Variants in TRPM3 observed in about 807,000 individuals in gnomAD.
TRPM3 encodes the protein transient receptor potential cation channel subfamily M member 3.
A neutral mutation model predicts 181.2 loss-of-function variants in TRPM3; 77 were observed. The observed-to-expected ratio is 0.42, with a 90% confidence interval of 0.35 to 0.51. The LOEUF (loss-of-function observed/expected upper bound fraction) is 0.51, where lower values mean the gene tolerates loss of function less well. TRPM3 is among the 20% of genes least tolerant of loss of function. The pLI is 0.01. For missense variants in TRPM3, 1,759 were observed against 2,196.7 expected, an observed-to-expected ratio of 0.80 and a Z score of 3.98; for synonymous variants, 745 against 796.4, an observed-to-expected ratio of 0.94 and a Z score of 1.09.
chr9:70,948,181 C>A (rs1981161), intron 1 of TRPM3, among the ~76,000 whole-genome samples: 53,325 of 151,308 alleles, frequency 0.35, 9,640 homozygotes, highest in Admixed American at 0.4. Context: ...TAAAGTATAC[C>A]AGCTAAATAA....
At chr9:71,357,145 C>G (rs1425864159) in intron 1 of TRPM3, among the ~76,000 whole-genome samples, 2 of 152,092 alleles carry the variant, frequency 1.3e-5, no homozygotes, top group East Asian at 3.9e-4. Context: ...TGGGGGAAAA[C>G]AATTATTAAA....
chr9:70,884,038 A>G (rs1243752057), intron 1 of TRPM3, among the ~76,000 whole-genome samples: 4 of 151,812 alleles, frequency 2.6e-5, no homozygotes, highest in Admixed American at 1.3e-4. Context: ...TGATGTCCCA[A>G]GGTTTTTTTT....
chr9:70,824,571 G>T (rs7030159), intron 6 of TRPM3: 9,902 of 152,012 alleles, frequency 0.065, 428 homozygotes, highest in Middle Eastern at 0.13. Flanking sequence ...GGGATTACAG[G>T]CACCCGCCAC....
intron 6 of TRPM3, among the ~76,000 whole-genome samples, chr9:70,814,285 C>T (rs1393684904): frequency 1.1e-4 from 17 of 152,178 alleles, no homozygotes; most frequent in African/African-American, 3.4e-4. Flanking sequence ...TGAGCTGCAC[C>T]ATAACGGGTT....
intron 8 of TRPM3, 34 bp downstream of exon 8, chr9:70,761,566 TG>T: frequency 6.2e-7 from 1 of 1,613,868 alleles, no homozygotes; most frequent in South Asian, 1.1e-5. Context: ...ACTGAAAATG[TG>T]GAGACAGCTG....
In TRPM3 at chr9:71,200,687, G is replaced by C. The variant is rs185470837; in HGVS notation, c.183+245966C>G. Reference sequence around the variant, plus strand: ...TAAAGTTTGTTTTATCAGAGACTAGGATTGCAACCCCTGCCTTTGTTTGTT... The same window carrying C: ...TAAAGTTTGTTTTATCAGAGACTAGCATTGCAACCCCTGCCTTTGTTTGTT... On this transcript the variant is annotated intron_variant, in intron 1 of 24. Transcript: ENST00000357533. 6.6e-5 allele frequency among the ~76,000 whole-genome samples: 10 copies of C among 152,196 alleles called. No individual in the cohort carries two copies. The South Asian group carries it at 2.1e-3, about 32-fold the overall frequency.
At chr9:71,102,095 T>A (rs1337525204) in intron 1 of TRPM3, among the ~76,000 whole-genome samples, 3 of 152,200 alleles carry the variant, frequency 2.0e-5, no homozygotes, top group Non-Finnish European at 4.4e-5. Flanking sequence ...AATGACATCA[T>A]AGATACATTA....
intron 1 of TRPM3, among the ~76,000 whole-genome samples, chr9:71,248,645 A>C (rs766221285): frequency 5.3e-5 from 8 of 152,202 alleles, no homozygotes; most frequent in Non-Finnish European, 1.0e-4. Flanking sequence ...GGAGAGATAA[A>C]GTCCCCTTTT....
chr9:70,774,451 T>C (rs1253247815), intron 7 of TRPM3: 1 of 152,194 alleles, frequency 6.6e-6, no homozygotes, highest in Non-Finnish European at 1.5e-5. Flanking sequence ...TAGTAAGGCT[T>C]TTGGCCAATG....
chr9:70,925,577 A>AAT (rs150284193), intron 1 of TRPM3, among the ~76,000 whole-genome samples: 145 of 151,324 alleles, frequency 9.6e-4, no homozygotes, highest in African/African-American at 3.1e-3. Context: ...CAGAATATGG[A>AAT]ATATATATAT....
intron 1 of TRPM3, among the ~76,000 whole-genome samples, chr9:71,087,393 A>AT (rs1180230948): frequency 6.6e-6 from 1 of 151,948 alleles, no homozygotes; most frequent in Non-Finnish European, 1.5e-5. Context: ...ATACAAATTC[A>AT]TTTTTTTCCT....
At chr9:70,692,744 C>T (rs1398023690) in intron 8 of TRPM3, among the ~76,000 whole-genome samples, 1 of 152,218 alleles carries the variant, frequency 6.6e-6, no homozygotes, top group African/African-American at 2.4e-5. Flanking sequence ...TTGTCACTCT[C>T]TCCTATTTTC....
chr9:71,235,241 A>T (rs1250527111), intron 1 of TRPM3, among the ~76,000 whole-genome samples: 1 of 152,262 alleles, frequency 6.6e-6, no homozygotes, highest in Non-Finnish European at 1.5e-5. Context: ...GCTCCTCTTC[A>T]GAGAGGCCTT....
intron 1 of TRPM3, among the ~76,000 whole-genome samples, chr9:70,949,266 C>T (rs2096970148): frequency 6.6e-6 from 1 of 151,886 alleles, no homozygotes; most frequent in Non-Finnish European, 1.5e-5. Context: ...CTATGTTGCC[C>T]AGGCTGTTCT....
intron 1 of TRPM3, among the ~76,000 whole-genome samples, chr9:71,004,540 T>C (rs537591026): frequency 1.1e-4 from 16 of 152,354 alleles, no homozygotes; most frequent in African/African-American, 3.6e-4. Flanking sequence ...TCTCCTCCTA[T>C]ATGCAGGCAT....
At chr9:71,256,313 C>T (rs997490683) in intron 1 of TRPM3, among the ~76,000 whole-genome samples, 1 of 152,146 alleles carries the variant, frequency 6.6e-6, no homozygotes, top group African/African-American at 2.4e-5. Flanking sequence ...TGCACTGCCC[C>T]TCTCTCGACA....
At chr9:71,144,929 G>C (rs1382812410) in intron 1 of TRPM3, among the ~76,000 whole-genome samples, 7 of 152,078 alleles carry the variant, frequency 4.6e-5, no homozygotes. Context: ...GCCTTGGCAT[G>C]CATGTATCCA....
At chr9:71,440,665 T>G (rs994101411) in intron 1 of TRPM3, among the ~76,000 whole-genome samples, 1 of 152,228 alleles carries the variant, frequency 6.6e-6, no homozygotes. Context: ...ATATTTCTTG[T>G]GTTAAACTAT....
At chr9:70,665,403 C>T (rs1000112680) in intron 9 of TRPM3, among the ~76,000 whole-genome samples, 17 of 152,038 alleles carry the variant, frequency 1.1e-4, no homozygotes, top group African/African-American at 3.4e-4. Flanking sequence ...GTAAATATTG[C>T]CACTATATTC....
Sources: allele counts gnomAD v4.1 joint callset (sites outside exome capture counted in the v4.1 genomes callset), GRCh38; gene constraint gnomAD v4.1.1; transcripts MANE v1.5; gene names NCBI Gene and HGNC (gene_info 2026-07-23, HGNC 2026-07-21).